WT1: variants seen among roughly 807,000 people sequenced by gnomAD.
WT1 encodes the protein WT1 transcription factor, also known as Wilms tumor protein.
Under a neutral mutation model 60.8 loss-of-function variants are expected in WT1, and 8 were observed. That is an observed-to-expected ratio of 0.13 (90% CI 0.08 to 0.24). The LOEUF (loss-of-function observed/expected upper bound fraction) is 0.24. Ranked by LOEUF, WT1 falls within the 10% of genes least tolerant of loss-of-function variation. WT1 has a pLI of 1.00. For synonymous variants in WT1, 312 were observed against 297.1 expected, an observed-to-expected ratio of 1.05 and a Z score of -0.52; for missense variants, 568 against 711.8, an observed-to-expected ratio of 0.80 and a Z score of 2.30.
intron 5 of WT1, among the ~76,000 whole-genome samples, chr11:32,403,956 C>G (rs1416811115): frequency 6.7e-6 from 1 of 148,822 alleles, no homozygotes; most frequent in Non-Finnish European, 1.5e-5. Flanking sequence ...CAAAGACTCT[C>G]TGCTCTTCTC....
chr11:32,399,419 C>A (rs767397611), intron 6 of WT1, among the ~76,000 whole-genome samples: 1 of 152,076 alleles, frequency 6.6e-6, no homozygotes, highest in African/African-American at 2.4e-5. Context: ...AACAAATGTA[C>A]CACATCAATA....
rs2133037218 is a variant in WT1 at position 32,417,615 on chromosome 11, C to T, written c.927G>A (p.Met309Ile). 1 of 1,614,004 alleles carries T rather than the reference C, an allele frequency of 6.2e-7. No homozygotes were observed. The highest frequency in any genetic ancestry group is 8.5e-7 in the Non-Finnish European group (1 of 1,179,958). ...CTCCTAAGTTCATCTGATTCCAGGT[C>T]ATGCATTCAAGCTGGGATGTCATTT... is the stretch of plus-strand genomic sequence containing the variant. Residue 309 changes from methionine to isoleucine, a missense_variant, in exon 4 of 10, where the codon ATG (methionine) becomes ATA (isoleucine). Coordinates refer to ENST00000452863, the MANE Select transcript of WT1 (RefSeq NM_024426.6).
intron 1 of WT1, among the ~76,000 whole-genome samples, chr11:32,434,093 C>T (rs1853400497): frequency 6.6e-6 from 1 of 152,234 alleles, no homozygotes; most frequent in African/African-American, 2.4e-5. Context: ...TCCACGGACA[C>T]GACGCTGTTC....
chr11:32,394,489 C>T (rs1564971521), intron 7 of WT1, among the ~76,000 whole-genome samples: 1 of 152,076 alleles, frequency 6.6e-6, no homozygotes, highest in African/African-American at 2.4e-5. Flanking sequence ...TCTTTATATC[C>T]TAGCTCCCAA....
chr11:32,418,551 A>C (rs1852753688), intron 3 of WT1, among the ~76,000 whole-genome samples: 1 of 152,148 alleles, frequency 6.6e-6, no homozygotes, highest in Non-Finnish European at 1.5e-5. Flanking sequence ...CAGAAGAAAA[A>C]TTTCACTCTA....
intron 3 of WT1, among the ~76,000 whole-genome samples, chr11:32,421,363 C>A (rs1365802332): frequency 6.6e-6 from 1 of 152,240 alleles, no homozygotes; most frequent in African/African-American, 2.4e-5. Flanking sequence ...CTTACAGCGA[C>A]CACTGTGGTC....
rs553317943 is a variant in WT1 at position 32,421,954 on chromosome 11, T to C, written c.888-4300A>G. The stretch of plus-strand genomic sequence containing the variant: ...GAAGTAAAGAGCTGCCCCCAGAGGA[T>C]AAAAAATAAAAAGGCTCAAAGTAGA... On this transcript the variant is annotated intron_variant, in intron 3 of 9. Transcript: ENST00000452863. Among the ~76,000 whole-genome samples the C allele has an allele frequency of 2.0e-5, 3 of 152,232 alleles. No homozygotes were observed. The East Asian group carries it at 5.8e-4, about 29-fold the overall frequency.
chr11:32,392,182 G>A (rs1851838164), intron 8 of WT1, 118 bp from the exon 9 acceptor site: 5 of 881,076 alleles, frequency 5.7e-6, no homozygotes, highest in Non-Finnish European at 9.7e-6. Context: ...TGCAATGTCT[G>A]CATCTGCCTC....
chr11:32,425,726 G>A (rs1429765217), intron 3 of WT1, among the ~76,000 whole-genome samples: 3 of 152,158 alleles, frequency 2.0e-5, no homozygotes, highest in Non-Finnish European at 4.4e-5. Flanking sequence ...TACTACTTGG[G>A]AAATTTTCTG....
chr11:32,435,292 G>T lies in WT1; in HGVS notation c.69C>A (p.Leu23=), dbSNP rs1162374012. 2 of 1,533,674 alleles carry T rather than the reference G, an allele frequency of 1.3e-6. No homozygotes were observed. Among genetic ancestry groups the T allele is most frequent in the Non-Finnish European group, 1.7e-6 (2 of 1,146,512 alleles). ...GCTGTAGGCACCCAGGCCCGGAGCG[G>T]AGCGTGTGCTGAGACGCCGGCTCCG... The change falls in exon 1 of 10, where the codon CTC becomes CTA. Residue 23 remains leucine (L), a synonymous_variant. Coordinates refer to ENST00000452863, the MANE Select transcript of WT1 (RefSeq NM_024426.6).
intron 5 of WT1, among the ~76,000 whole-genome samples, chr11:32,402,912 C>A (rs1852198671): frequency 6.6e-6 from 1 of 152,080 alleles, no homozygotes; most frequent in Non-Finnish European, 1.5e-5. Flanking sequence ...GTTCTGCCAT[C>A]GAAGGGTAAA....
In WT1 at chr11:32,387,990, CA is replaced by C. The variant is rs1291188783; in HGVS notation, c.*1067del. ...ATAATAAATTCCCTCCCTTAAAAAA[CA>C]AAACACAACACAACACACACACACA... On this transcript the variant is annotated 3_prime_UTR_variant, in exon 10 of 10. Transcript: ENST00000452863. 9.0e-6 allele frequency: 2 copies of C among 222,818 alleles called. No homozygotes were observed. The highest frequency in any genetic ancestry group is 5.2e-5 in the African/African-American group (2 of 38,226). 13.8% of individuals were successfully genotyped at this position (222,818 alleles called of 1,614,324 possible).
chr11:32,399,855 G>T, intron 6 of WT1, 93 bp downstream of exon 6: 3 of 1,371,270 alleles, frequency 2.2e-6, no homozygotes, highest in Admixed American at 3.8e-5. Flanking sequence ...AGGCTGCCAG[G>T]GCCAAAGAGT....
At chr11:32,396,449 TGTGA>T in intron 6 of WT1, 42 bp from the exon 7 acceptor site, 1 of 1,609,760 alleles carries the variant, frequency 6.2e-7, no homozygotes, top group South Asian at 1.1e-5. Context: ...TTAAGCCACA[TGTGA>T]ACATTCACGT....
At chr11:32,432,350 C>T (rs1326808850) in intron 1 of WT1, among the ~76,000 whole-genome samples, 1 of 152,202 alleles carries the variant, frequency 6.6e-6, no homozygotes, top group East Asian at 1.9e-4. Context: ...GGGCCAGGCC[C>T]TGCATTCCTG....
At chr11:32,390,953 T>C (rs889377056) in intron 9 of WT1, among the ~76,000 whole-genome samples, 2 of 147,260 alleles carry the variant, frequency 1.4e-5, no homozygotes, top group South Asian at 2.3e-4. Context: ...GAATAAAACA[T>C]GCCTACCTCA....
intron 6 of WT1, among the ~76,000 whole-genome samples, chr11:32,398,874 G>A (rs918259823): frequency 4.0e-5 from 6 of 150,932 alleles, no homozygotes; most frequent in Non-Finnish European, 5.9e-5. Context: ...AAAAAAGACC[G>A]AGCCGGGCAC....
intron 3 of WT1, among the ~76,000 whole-genome samples, chr11:32,422,509 A>AAAG (rs1362252664): frequency 6.6e-6 from 1 of 152,246 alleles, no homozygotes. Flanking sequence ...ACACAAGTGA[A>AAAG]AAGAGGCATT....
In WT1 at chr11:32,416,378, C is replaced by G; in HGVS notation, c.1016+112G>C. 3 of 1,339,568 alleles carry G rather than the reference C, an allele frequency of 2.2e-6. No individual in the cohort carries two copies. In the South Asian group the frequency reaches 3.5e-5, roughly 16 times the overall value. The allele number at this position is 1,339,568 out of a possible 1,614,324, so 83.0% of individuals were successfully genotyped here. ...GGCGGGGGAGAGAGATTCTTCCCAT[C>G]CACCAAATGCTACCCTGATTACCCA... On this transcript the variant is annotated intron_variant, in intron 5 of 9. Coordinates refer to ENST00000452863, the MANE Select transcript of WT1 (RefSeq NM_024426.6).
Sources: allele counts gnomAD v4.1 joint callset (sites outside exome capture counted in the v4.1 genomes callset), GRCh38; gene constraint gnomAD v4.1.1; transcripts MANE v1.5; gene names NCBI Gene and HGNC (gene_info 2026-07-23, HGNC 2026-07-21).